The following POMGNT1 variants were observed in gnomAD, a reference collection of about 807,000 sequenced individuals.
POMGNT1 encodes the protein protein O-linked mannose N-acetylglucosaminyltransferase 1 (beta 1,2-), also known as protein O-linked-mannose beta-1,2-N-acetylglucosaminyltransferase 1.
Under a neutral mutation model 95.6 loss-of-function variants are expected in POMGNT1, and 67 were observed. The observed-to-expected ratio is 0.70, with a 90% confidence interval of 0.58 to 0.86. The LOEUF (loss-of-function observed/expected upper bound fraction) is 0.86, where lower values mean the gene tolerates loss of function less well. Among genes scored for constraint, POMGNT1 ranks in the 40% least tolerant of loss-of-function variants. The pLI, the probability that POMGNT1 is intolerant of heterozygous loss-of-function variation, is 0.00. For missense variants in POMGNT1, 719 were observed against 855.2 expected, an observed-to-expected ratio of 0.84 and a Z score of 1.99; for synonymous variants, 298 against 317.9, an observed-to-expected ratio of 0.94 and a Z score of 0.66.
chr1:46,201,697 C>CAAAAA (rs59930051), upstream of POMGNT1, among the ~76,000 whole-genome samples: 1 of 85,954 alleles, frequency 1.2e-5, no homozygotes. Context: ...GACTCCATCT[C>CAAAAA]AAAAAAAAAA....
At chr1:46,194,473 A>G (rs1658055135) in intron 8 of POMGNT1, 72 bp from the exon 9 acceptor site, 2 of 1,614,054 alleles carry the variant, frequency 1.2e-6, no homozygotes, top group South Asian at 2.2e-5. Flanking sequence ...CACACAATCA[A>G]AGGAATAAAG....
At chr1:46,219,927 T>G (rs1659181520) in exon 1 of POMGNT1, 9 of 1,614,220 alleles carry the variant, frequency 5.6e-6, no homozygotes, top group Non-Finnish European at 7.6e-6. Flanking sequence ...GGACAGTGTC[T>G]CTATTGGCAG....
chr1:46,214,528 G>A (rs1659003381), intron 1 of POMGNT1, among the ~76,000 whole-genome samples: 1 of 152,070 alleles, frequency 6.6e-6, no homozygotes, highest in Non-Finnish European at 1.5e-5. Context: ...AACAGCACTT[G>A]GAAATAAACA....
intron 17 of POMGNT1, 63 bp downstream of exon 17, chr1:46,192,035 A>G (rs750595592): frequency 1.3e-5 from 20 of 1,544,746 alleles, no homozygotes; most frequent in Admixed American, 1.7e-5. Context: ...ATTGCTTCAG[A>G]GTCCATGTTC....
At position 46,203,616 on chromosome 1, in the gene POMGNT1, A is replaced by G. The variant is rs549837624; in HGVS notation, c.-50-5745T>C. 3.1e-6 allele frequency: 5 copies of G among 1,601,546 alleles called. No homozygotes were observed. In the Admixed American group the frequency reaches 8.6e-5, roughly 27 times the overall value. On this transcript the variant is annotated intron_variant, in intron 1 of 22. Coordinates refer to the POMGNT1 transcript ENST00000371992. Reference sequence around the variant, plus strand: ...GGGGGACAAGATCATGGCGCTGAAGATGGAGCTGGTGAGTGCTGAATCCAT... The same window carrying G: ...GGGGGACAAGATCATGGCGCTGAAGGTGGAGCTGGTGAGTGCTGAATCCAT...
intron 1 of POMGNT1, among the ~76,000 whole-genome samples, chr1:46,213,471 G>A (rs1238889017): frequency 6.6e-6 from 1 of 151,760 alleles, no homozygotes; most frequent in Non-Finnish European, 1.5e-5. Flanking sequence ...CCATTGTTAC[G>A]TGACAAATGA....
chr1:46,211,219 C>T (rs994331938), intron 1 of POMGNT1, among the ~76,000 whole-genome samples: 6 of 152,128 alleles, frequency 3.9e-5, no homozygotes, highest in South Asian at 2.1e-4. Context: ...CCTCTCTCTG[C>T]GGCATTCCTT....
intron 1 of POMGNT1, among the ~76,000 whole-genome samples, chr1:46,215,842 A>C (rs1439846530): frequency 6.6e-6 from 1 of 152,024 alleles, no homozygotes; most frequent in East Asian, 1.9e-4. Context: ...GGCTGTAGTC[A>C]ACCATGATTG....
At chr1:46,207,853 T>A (rs1224042483) in intron 1 of POMGNT1, among the ~76,000 whole-genome samples, 2 of 151,744 alleles carry the variant, frequency 1.3e-5, no homozygotes, top group Non-Finnish European at 2.9e-5. Flanking sequence ...TTTTCATTTT[T>A]AAATTATTTA....
At chr1:46,202,920 G>GTGGTGTGTGTGTGTGTGTGTGTGT (rs540959987), upstream of POMGNT1, among the ~76,000 whole-genome samples, 13 of 64,514 alleles carry the variant, frequency 2.0e-4, 1 homozygote, top group African/African-American at 8.0e-4. Context: ...GGGGGGGGGT[G>GTGGTGTGTGTGTGTGTGTGTGTGT]GTGTGTGTGT....
Position 46,190,751 on chromosome 1 carries a change from C to A in POMGNT1, c.1573G>T (p.Val525Phe), listed in dbSNP as rs1260733542. The change falls in exon 18 of 22, where the codon GTT becomes TTT. Residue 525 changes from valine to phenylalanine, a missense_variant. Val to Phe is a conservative substitution (Grantham distance 50). Coordinates refer to ENST00000371984, the MANE Select transcript of POMGNT1 (RefSeq NM_017739.4). ...ACATTCCTGAGCTGGACACCTGGAACCGTGTTGAACTTGTGCTTCTTGAAG... is the reference window on the plus strand; with the variant it reads ...ACATTCCTGAGCTGGACACCTGGAAACGTGTTGAACTTGTGCTTCTTGAAG... ...AYFKKHKFNT[V>F]PGVQLRNVDS... The A allele has an allele frequency of 6.2e-7, 1 of 1,613,748 alleles. No individual in the cohort carries two copies. Among genetic ancestry groups the A allele is most frequent in the Non-Finnish European group, 8.5e-7 (1 of 1,179,836 alleles).
chr1:46,189,748 A>C lies in POMGNT1; in HGVS notation c.1785+106T>G, dbSNP rs1657602951. 4.5e-6 allele frequency: 7 copies of C among 1,572,112 alleles called. No homozygotes were observed. The South Asian group carries it at 8.2e-5, about 18-fold the overall frequency. On this transcript the variant is annotated intron_variant, in intron 20 of 21. Transcript: ENST00000371984. ...GAAGAGGTGTTCTAAGAGTATAAAG[A>C]GGAGGTTCTGAGGTTGAAGATTCCA...
rs377108191 is a variant in POMGNT1 at position 46,190,522 on chromosome 1, A to G, written c.1605-5T>C. ...TCATAAGCTTCTTTCTTCAGACTGA[A>G]GAGGAGGGAGAAATGGGTCAGGGGA... On this transcript the variant is annotated splice_polypyrimidine_tract_variant and splice_region_variant and intron_variant, in intron 18 of 21. Coordinates refer to ENST00000371984, the MANE Select transcript of POMGNT1 (RefSeq NM_017739.4). 4 of 1,603,200 alleles carry G rather than the reference A, an allele frequency of 2.5e-6. No homozygotes were observed. The highest frequency in any genetic ancestry group is 3.4e-6 in the Non-Finnish European group (4 of 1,170,140).
exon 1 of POMGNT1, chr1:46,220,266 G>C (rs757124875): frequency 5.0e-5 from 77 of 1,531,872 alleles, no homozygotes; most frequent in Non-Finnish European, 6.3e-5. Flanking sequence ...TTATCCATTA[G>C]ATGTGGTCTC....
In POMGNT1 at chr1:46,188,913, C is replaced by G. The variant is rs1376441690; in HGVS notation, c.*357G>C. On this transcript the variant is annotated 3_prime_UTR_variant, in exon 22 of 22. Coordinates refer to ENST00000371984, the MANE Select transcript of POMGNT1 (RefSeq NM_017739.4). ...TTCCAGCCCAAAAAGAAATCCAGGC[C>G]CTCCAGGTTCGGCCTGTTTTCAAGG... The G allele has an allele frequency of 1.9e-6, 3 of 1,612,694 alleles. No individual in the cohort carries two copies. Among genetic ancestry groups the G allele is most frequent in the Non-Finnish European group, 2.5e-6 (3 of 1,179,904 alleles).
chr1:46,217,102 A>G (rs1659093165), intron 1 of POMGNT1, among the ~76,000 whole-genome samples: 1 of 152,232 alleles, frequency 6.6e-6, no homozygotes, highest in Admixed American at 6.5e-5. Context: ...AGTAAATGAA[A>G]AAAGAAGATA....
rs1203309638 is a variant in POMGNT1 at position 46,189,465 on chromosome 1, G to A, written c.1888C>T (p.Pro630Ser). ...HFLMVGVPAS[P>S]YSVKKPPSVT... ...CAGAAAAGGGTCACTCACGAGTAGG[G>A]GGAAGCCGGGACCCCCACCATCAGG... Residue 630 changes from proline to serine, a missense_variant, in exon 21 of 22, where the codon CCC (proline) becomes TCC (serine). By Grantham distance (74) the Pro-to-Ser change is moderately conservative. Around this residue, in one of 5 missense-constraint regions of POMGNT1, gnomAD observed 130 missense variants for 149.2 expected, o/e 0.87. Transcript: ENST00000371984. 6 of 1,613,504 alleles carry A rather than the reference G, an allele frequency of 3.7e-6. No homozygotes were observed. The Middle Eastern group carries it at 4.9e-4, about 133-fold the overall frequency.
intron 16 of POMGNT1, 37 bp downstream of exon 16, chr1:46,192,271 G>A (rs757693715): frequency 1.2e-6 from 2 of 1,614,154 alleles, no homozygotes; most frequent in South Asian, 2.2e-5. Flanking sequence ...CGAGTTGGTA[G>A]GGGACTCCAG....
intron 1 of POMGNT1, chr1:46,203,766 C>A: frequency 1.3e-6 from 1 of 755,722 alleles, no homozygotes; most frequent in Non-Finnish European, 2.0e-6. Context: ...CAGATCAATC[C>A]GTAAACGCTG....
Sources: gnomAD v4.1 joint callset for allele counts (sites outside exome capture counted in the v4.1 genomes callset) on GRCh38, gnomAD v4.1.1 for gene constraint, gnomAD v4.1.1 regional missense constraint, MANE v1.5 for transcripts, NCBI Gene and HGNC (gene_info 2026-07-23, HGNC 2026-07-21) for gene names.